Variants in ANK3 observed in about 807,000 individuals in gnomAD.
ANK3 encodes the protein ankyrin 3, also known as ankyrin-3.
Under a neutral mutation model 370.9 loss-of-function variants are expected in ANK3, and 57 were observed. The observed-to-expected ratio is 0.15, with a 90% CI of 0.12 to 0.19. ANK3 has a LOEUF of 0.19. Among genes scored for constraint, ANK3 ranks in the 10% least tolerant of loss-of-function variants. ANK3 has a pLI of 1.00. For missense variants in ANK3, 4,439 were observed against 5,302.1 expected, an observed-to-expected ratio of 0.84 and a Z score of 5.06; for synonymous variants, 1,929 against 1,946.3, an observed-to-expected ratio of 0.99 and a Z score of 0.23.
chr10:60,255,670 C>T (rs1424705826), intron 7 of ANK3, among the ~76,000 whole-genome samples: 1 of 123,910 alleles, frequency 8.1e-6, no homozygotes, highest in Non-Finnish European at 1.6e-5. Context: ...GAAGGAAGGC[C>T]TAAGATGGAT....
intron 4 of ANK3, among the ~76,000 whole-genome samples, chr10:60,274,314 G>C (rs1445335289): frequency 3.9e-5 from 6 of 152,018 alleles, no homozygotes; most frequent in Admixed American, 3.9e-4. Context: ...AAATGTTTTT[G>C]GTGAGTGTTT....
At chr10:60,702,949 C>A (rs1336505799) in intron 1 of ANK3, among the ~76,000 whole-genome samples, 1 of 152,054 alleles carries the variant, frequency 6.6e-6, no homozygotes. Context: ...ACAGGAAACA[C>A]AGGGAATAAA....
intron 1 of ANK3, among the ~76,000 whole-genome samples, chr10:60,376,723 A>G (rs2060831301): frequency 6.6e-6 from 1 of 152,164 alleles, no homozygotes; most frequent in Admixed American, 6.5e-5. Context: ...ACCCTCAAAG[A>G]TGCAATTCAG....
At chr10:60,165,491 C>T (rs912791462) in intron 23 of ANK3, among the ~76,000 whole-genome samples, 3 of 152,112 alleles carry the variant, frequency 2.0e-5, no homozygotes, top group African/African-American at 7.2e-5. Flanking sequence ...CTCCGAGGTC[C>T]CTAAATGACC....
chr10:60,059,754 G>A, intron 40 of ANK3: 8 of 1,614,094 alleles, frequency 5.0e-6, no homozygotes, highest in Non-Finnish European at 6.8e-6. Context: ...AGGCATTTCT[G>A]TTAAAGGCAC....
rs777124644 is a variant in ANK3 at position 60,389,416 on chromosome 10, CATAG to C, written c.114+5_114+8del. The C allele has an allele frequency of 1.2e-6, 2 of 1,612,586 alleles. No individual in the cohort carries two copies. Among genetic ancestry groups the C allele is most frequent in the South Asian group, 2.2e-5 (2 of 91,012 alleles). On this transcript the variant is annotated splice_donor_5th_base_variant and intron_variant, in intron 1 of 43. Transcript: ENST00000280772. ...CAGGCAAGATATATGCTCTGGCATA[CATAG>C]ATACCTTTTTCTTCCGATCCCGGGA...
intron 25 of ANK3, among the ~76,000 whole-genome samples, chr10:60,121,468 G>A (rs2093467264): frequency 6.6e-6 from 1 of 151,778 alleles, no homozygotes; most frequent in South Asian, 2.1e-4. Context: ...AAAGTGGGCA[G>A]ATGACTTGAG....
intron 8 of ANK3, among the ~76,000 whole-genome samples, chr10:60,222,133 C>G (rs910780055): frequency 2.1e-4 from 32 of 152,186 alleles, no homozygotes; most frequent in African/African-American, 6.8e-4. Context: ...CAGATTCAGT[C>G]TAGCTCTTTT....
chr10:60,583,592 A>ACCCAGG, intron 2 of ANK3, among the ~76,000 whole-genome samples: 1 of 139,922 alleles, frequency 7.1e-6, no homozygotes, highest in South Asian at 2.2e-4. Context: ...CAGTTCTGTC[A>ACCCAGG]CTCAGGCTGG....
At chr10:60,722,656 C>T (rs10821832) in intron 1 of ANK3, among the ~76,000 whole-genome samples, 47,349 of 151,854 alleles carry the variant, frequency 0.31, 7,680 homozygotes, top group South Asian at 0.48. Flanking sequence ...TAACCCCCAA[C>T]GTTGGAGGTG....
rs112389676 is a variant in ANK3 at position 60,118,621 on chromosome 10, G to A, written c.2842-4290C>T. ...CAAACCAACAAACCTTCAGAGTAGG[G>A]CAAAACACTTAATACAAAGTAGTGA... On this transcript the variant is annotated intron_variant, in intron 25 of 43. Transcript: ENST00000280772. Among the ~76,000 whole-genome samples, 755 of 152,226 alleles carry A rather than the reference G, an allele frequency of 5.0e-3. 8 individuals are homozygous for A. Among genetic ancestry groups the A allele is most frequent in the African/African-American group, 0.017 (711 of 41,542 alleles).
chr10:60,100,689 GT>G lies in ANK3; in HGVS notation c.3328+5215del, dbSNP rs560232201. ...AATATGTTCCTAGCATTGTAAAATT[GT>G]TTGGGGGAACTTCAGCAACATTTTG... On this transcript the variant is annotated intron_variant, in intron 28 of 43. Transcript: ENST00000280772. 9.9e-5 allele frequency among the ~76,000 whole-genome samples: 15 copies of G among 152,264 alleles called. No homozygotes were observed. The East Asian group carries it at 2.9e-3, about 29-fold the overall frequency.
intron 1 of ANK3, among the ~76,000 whole-genome samples, chr10:60,643,803 G>C (rs1296832002): frequency 1.3e-5 from 2 of 152,144 alleles, no homozygotes; most frequent in African/African-American, 4.8e-5. Flanking sequence ...ATGGATACTG[G>C]AAGACATGTT....
At chr10:60,726,933 T>C (rs1020545080) in intron 1 of ANK3, among the ~76,000 whole-genome samples, 2 of 152,176 alleles carry the variant, frequency 1.3e-5, no homozygotes, top group African/African-American at 4.8e-5. Flanking sequence ...ATAGTTACAA[T>C]TGCATTTAAA....
chr10:60,310,857 A>G (rs950978468), intron 1 of ANK3, among the ~76,000 whole-genome samples: 2 of 152,282 alleles, frequency 1.3e-5, no homozygotes, highest in Middle Eastern at 3.4e-3. Flanking sequence ...CTTCAACTCT[A>G]TAAATCAAAA....
At position 60,240,196 on chromosome 10, in the gene ANK3, AC is replaced by A. The variant is rs553908811; in HGVS notation, c.799-5411del. On this transcript the variant is annotated intron_variant, in intron 7 of 43. Transcript: ENST00000280772. ...TATACATATATACACATATATATAC[AC>A]ACACACATATATATACACATATATA... Among the ~76,000 whole-genome samples the A allele has an allele frequency of 3.4e-3, 459 of 136,670 alleles. 5 individuals carry two copies. The highest frequency in any genetic ancestry group is 0.016 in the Middle Eastern group (4 of 256). 89.7% of individuals were successfully genotyped at this position (136,670 alleles called of 152,430 possible).
At chr10:60,715,215 ATGTGTGTGTG>A (rs5785463) in intron 1 of ANK3, among the ~76,000 whole-genome samples, 67 of 147,296 alleles carry the variant, frequency 4.5e-4, no homozygotes, top group Non-Finnish European at 8.5e-4. Flanking sequence ...ACATATACAA[ATGTGTGTGTG>A]TGTGTGTGTG....
chr10:60,034,559 C>T (rs1200169679), intron 43 of ANK3, among the ~76,000 whole-genome samples: 1 of 152,154 alleles, frequency 6.6e-6, no homozygotes, highest in African/African-American at 2.4e-5. Context: ...CCTATACTTG[C>T]CTTCTCTGAT....
intron 1 of ANK3, among the ~76,000 whole-genome samples, chr10:60,374,467 G>A (rs1003663552): frequency 6.6e-6 from 1 of 152,144 alleles, no homozygotes; most frequent in Non-Finnish European, 1.5e-5. Flanking sequence ...GAGATAGAAG[G>A]AGTGATTGCA....
Sources: gnomAD v4.1 joint callset for allele counts (sites outside exome capture counted in the v4.1 genomes callset) on GRCh38, gnomAD v4.1.1 for gene constraint, MANE v1.5 for transcripts, NCBI Gene and HGNC (gene_info 2026-07-23, HGNC 2026-07-21) for gene names.